ZZEF1: variants seen among roughly 807,000 people sequenced by gnomAD.
ZZEF1 encodes zinc finger ZZ-type and EF-hand domain-containing protein 1.
ZZEF1 carries 157 observed loss-of-function variants against 342.8 expected under a neutral mutation model. That is an observed-to-expected ratio of 0.46 (90% CI 0.40 to 0.52). The LOEUF (loss-of-function observed/expected upper bound fraction) is 0.52, where lower values mean the gene tolerates loss of function less well. Ranked by LOEUF, ZZEF1 falls within the 20% of genes least tolerant of loss-of-function variation. The probability of loss-of-function intolerance (pLI) is 0.00; values close to 1 mark genes in which losing one functional copy is unlikely to be tolerated. For synonymous variants in ZZEF1, 1,505 were observed against 1,429.1 expected (o/e 1.05, Z -1.20); for missense variants, 3,480 against 3,725.6 (o/e 0.93, Z 1.72).
chr17:4,116,481 A>T (rs1015670183), intron 3 of ZZEF1, among the ~76,000 whole-genome samples: 6 of 152,172 alleles, frequency 3.9e-5, no homozygotes, highest in African/African-American at 1.4e-4. Flanking sequence ...TGTTCCACAG[A>T]CCTATTTATA....
At chr17:4,018,035 T>TA in intron 46 of ZZEF1, 64 bp from the exon 47 acceptor site, 4 of 1,586,802 alleles carry the variant, frequency 2.5e-6, no homozygotes, top group Non-Finnish European at 3.4e-6. Flanking sequence ...AACCTGCACT[T>TA]AAACTTGTTG....
chr17:4,014,142 C>T lies in ZZEF1; in HGVS notation c.8361G>A (p.Glu2787=), dbSNP rs755240079. The change falls in exon 51 of 55, where the codon GAG becomes GAA. Residue 2787 remains glutamate (E), a synonymous_variant. Coordinates refer to ENST00000381638, the MANE Select transcript of ZZEF1 (RefSeq NM_015113.4). This position sits in a 1 kb window ranked among gnomAD's most constrained non-coding sequence, Gnocchi z 4.4. ...CCGTCACGGTGAATCTGTAGCCCCA[C>T]TCGGTGTTGCTCATGTCGGAGGTGA... ...YRFTSDMSNT[E]WGYRFTVTAG... 5.6e-6 allele frequency: 9 copies of T among 1,614,170 alleles called. No individual in the cohort carries two copies. The South Asian group carries it at 7.7e-5, about 14-fold the overall frequency.
Position 4,074,301 on chromosome 17 carries a change from G to A in ZZEF1, c.3534C>T (p.Asp1178=). The A allele has an allele frequency of 6.2e-7, 1 of 1,614,190 alleles. No individual in the cohort carries two copies. The highest frequency in any genetic ancestry group is 8.5e-7 in the Non-Finnish European group (1 of 1,180,044). Residue 1178 remains aspartate (D), a synonymous_variant, in exon 24 of 55, where the codon GAC becomes GAT. Coordinates refer to ENST00000381638, the MANE Select transcript of ZZEF1 (RefSeq NM_015113.4). ...GPRLQFLFHS[D]SSHNEWGYKF... is the part of the protein sequence containing the mutation. The stretch of plus-strand genomic sequence containing the variant: ...TGTAGCCCCATTCGTTGTGACTGCT[G>A]TCAGAGTGAAAGAGGAACTGCAACC...
At chr17:4,130,997 C>T (rs1285441160) in intron 1 of ZZEF1, among the ~76,000 whole-genome samples, 3 of 152,074 alleles carry the variant, frequency 2.0e-5, no homozygotes, top group Middle Eastern at 3.2e-3. Flanking sequence ...CATTCTGGGG[C>T]GTGCCTTTTC....
chr17:4,074,986 G>GT, intron 23 of ZZEF1, 111 bp downstream of exon 23: 2 of 1,076,252 alleles, frequency 1.9e-6, no homozygotes, highest in East Asian at 4.8e-5. Context: ...TCACAAACGT[G>GT]TAACATAAAT....
In ZZEF1 at chr17:4,054,154, C is replaced by T; in HGVS notation, c.5337G>A (p.Val1779=). 6.2e-7 allele frequency: 1 copy of T among 1,613,900 alleles called. No individual in the cohort carries two copies. Among genetic ancestry groups the T allele is most frequent in the African/African-American group, 1.3e-5 (1 of 75,038 alleles). ...CATCACACCCATCACAAGAGATGTC[C>T]ACATTTAACAGGTCACAGTAGCGAG... is the stretch of plus-strand genomic sequence containing the variant. ...FIARYCDLLN[V]DISCDGCDEI... The change falls in exon 34 of 55, where the codon GTG becomes GTA. Residue 1779 remains valine (V), a synonymous_variant. Coordinates refer to ENST00000381638, the MANE Select transcript of ZZEF1 (RefSeq NM_015113.4).
intron 35 of ZZEF1, among the ~76,000 whole-genome samples, 160 bp downstream of exon 35, chr17:4,051,811 G>A (rs774370541): frequency 2.0e-5 from 3 of 150,998 alleles, no homozygotes; most frequent in Admixed American, 6.6e-5. Context: ...CTGAACCTGG[G>A]TAATGGGTAC....
chr17:4,020,372 T>C (rs2056237596), intron 45 of ZZEF1, among the ~76,000 whole-genome samples: 2 of 152,266 alleles, frequency 1.3e-5, no homozygotes, highest in Admixed American at 6.5e-5. Context: ...GGATACAGAA[T>C]TGCATGTATG....
In ZZEF1 at chr17:4,014,070, G is replaced by A. The variant is rs769095271; in HGVS notation, c.8413+20C>T. ...TCCCTGGCAGGCAGATGGTGTGAACGCAAAGCCCAGAGCACACACCTGTCT... is the reference window on the plus strand; with the variant it reads ...TCCCTGGCAGGCAGATGGTGTGAACACAAAGCCCAGAGCACACACCTGTCT... On this transcript the variant is annotated intron_variant, in intron 51 of 54. Transcript: ENST00000381638. This position sits in a 1 kb window ranked among gnomAD's most constrained non-coding sequence, Gnocchi z 4.4. The A allele has an allele frequency of 1.9e-6, 3 of 1,610,252 alleles. No homozygotes were observed. The highest frequency in any genetic ancestry group is 2.2e-5 in the East Asian group (1 of 44,856).
At chr17:4,077,757 C>G (rs879518061) in intron 19 of ZZEF1, 126 bp downstream of exon 19, 46 of 1,038,352 alleles carry the variant, frequency 4.4e-5, no homozygotes, top group Admixed American at 1.7e-4. Context: ...CCAAACCAGT[C>G]CAAGAATCTG....
At chr17:4,021,628 C>T (rs1368035636) in intron 44 of ZZEF1, among the ~76,000 whole-genome samples, 2 of 152,086 alleles carry the variant, frequency 1.3e-5, no homozygotes, top group Non-Finnish European at 2.9e-5. Flanking sequence ...ATGCTTTCAC[C>T]CAGCAACTCA....
intron 9 of ZZEF1, among the ~76,000 whole-genome samples, chr17:4,098,098 C>T (rs772115790): frequency 2.0e-5 from 3 of 151,730 alleles, no homozygotes; most frequent in Non-Finnish European, 2.9e-5. Context: ...ATTCGCCGGG[C>T]GTGGTGGCAC....
At chr17:4,135,726 G>C (rs949443262) in intron 1 of ZZEF1, among the ~76,000 whole-genome samples, 3 of 152,118 alleles carry the variant, frequency 2.0e-5, no homozygotes, top group Admixed American at 2.0e-4. Context: ...ACAGCGATCA[G>C]GTCCTCGGAG....
rs555104035 is a variant in ZZEF1, at chr17:4,015,141, C to A, written c.8146-626G>T. ...TGGGCTGAGGCAAAAGTGAGGAAAT[C>A]AGAAAGTAGCAGCAAAAGGAACCCC... On this transcript the variant is annotated intron_variant, in intron 49 of 54. Transcript: ENST00000381638. 5.3e-5 allele frequency among the ~76,000 whole-genome samples: 8 copies of A among 152,238 alleles called. No homozygotes were observed. In the East Asian group the frequency reaches 1.4e-3, roughly 26 times the overall value.
Position 4,070,899 on chromosome 17 carries a change from C to G in ZZEF1, c.3860G>C (p.Cys1287Ser). 6.2e-6 allele frequency: 10 copies of G among 1,613,892 alleles called. No homozygotes were observed. The highest frequency in any genetic ancestry group is 8.5e-6 in the Non-Finnish European group (10 of 1,179,952). ...KEVKNIPDDP[C>S]RHFLLDFAQS... is the part of the protein sequence containing the mutation. ...GGCAAAATCAAGAAGAAAATGGCGG[C>G]AGGGGTCGTCAGGAATGTTCTTAAC... is the stretch of plus-strand genomic sequence containing the variant. The change falls in exon 26 of 55, where the codon TGC (cysteine) becomes TCC (serine). Residue 1287 changes from cysteine to serine, a missense_variant. Physicochemically the swap from Cys to Ser is moderately radical, Grantham distance 112. Around this residue, in one of 5 missense-constraint regions of ZZEF1, gnomAD observed 1,528 missense variants for 1,624.1 expected, o/e 0.94. Coordinates refer to ENST00000381638, the MANE Select transcript of ZZEF1 (RefSeq NM_015113.4).
At chr17:4,033,078 G>T in intron 40 of ZZEF1, 76 bp from the exon 41 acceptor site, 2 of 1,423,928 alleles carry the variant, frequency 1.4e-6, no homozygotes, top group Non-Finnish European at 9.4e-7. Context: ...TACACTCCAA[G>T]GCAGACCCAG....
intron 1 of ZZEF1, 113 bp from the exon 2 acceptor site, chr17:4,124,164 A>C: frequency 7.6e-7 from 1 of 1,318,182 alleles, no homozygotes; most frequent in Non-Finnish European, 1.0e-6. Flanking sequence ...TTTTGGTTGC[A>C]GAGAGAAGAG....
At chr17:4,141,779 T>A (rs1042448185) in intron 1 of ZZEF1, among the ~76,000 whole-genome samples, 3 of 151,000 alleles carry the variant, frequency 2.0e-5, no homozygotes, top group African/African-American at 7.3e-5. Flanking sequence ...ATTCACTGGG[T>A]AACCCTGGAT....
rs76872157 is a variant in ZZEF1 at position 4,109,207 on chromosome 17, G to A, written c.1277+446C>T. ...CTTCAGGAAAGGTCACAACATCTGCGTCTATAAAATGGGGTGATTTTCACA... is the reference window on the plus strand; with the variant it reads ...CTTCAGGAAAGGTCACAACATCTGCATCTATAAAATGGGGTGATTTTCACA... On this transcript the variant is annotated intron_variant, in intron 6 of 54. Transcript: ENST00000381638. Among the ~76,000 whole-genome samples, 746 of 152,254 alleles carry A rather than the reference G, an allele frequency of 4.9e-3. 6 individuals carry two copies. Among genetic ancestry groups the A allele is most frequent in the African/African-American group, 0.017 (724 of 41,552 alleles).
Sources: allele counts gnomAD v4.1 joint callset (sites outside exome capture counted in the v4.1 genomes callset), GRCh38; gene constraint gnomAD v4.1.1; regional missense constraint gnomAD v4.1.1; non-coding constraint Gnocchi (gnomAD v3.1); transcripts MANE v1.5; gene names NCBI Gene and HGNC (gene_info 2026-07-23, HGNC 2026-07-21).